PLCL1: variants seen among roughly 807,000 people sequenced by gnomAD.
PLCL1 encodes phospholipase C like 1 (inactive), also known as inactive phospholipase C-like protein 1.
A neutral mutation model predicts 84.4 loss-of-function variants in PLCL1; 41 were observed. The ratio of observed to expected loss-of-function variants is 0.49; its 90% CI spans 0.38 to 0.63. The LOEUF (loss-of-function observed/expected upper bound fraction) is 0.63, where lower values mean the gene tolerates loss of function less well. PLCL1 is among the 30% of genes least tolerant of loss of function. The probability of loss-of-function intolerance (pLI) is 0.00; values close to 1 mark genes in which losing one functional copy is unlikely to be tolerated. For synonymous variants in PLCL1, 490 were observed against 488.3 expected (o/e 1.00, Z -0.05); for missense variants, 1,206 against 1,367.8 (o/e 0.88, Z 1.87).
chr2:197,995,679 A>G (rs914360573), intron 1 of PLCL1, among the ~76,000 whole-genome samples: 1 of 152,136 alleles, frequency 6.6e-6, no homozygotes, highest in Admixed American at 6.5e-5. Context: ...AGCCATGTTC[A>G]TGGTGTGGTA....
At chr2:197,911,903 A>C (rs1450272282) in intron 1 of PLCL1, among the ~76,000 whole-genome samples, 2 of 152,220 alleles carry the variant, frequency 1.3e-5, no homozygotes, top group Non-Finnish European at 2.9e-5. Context: ...CATTCCTTGC[A>C]TGCATAGGAG....
chr2:198,025,149 A>T (rs1691233411), intron 1 of PLCL1, among the ~76,000 whole-genome samples: 1 of 152,146 alleles, frequency 6.6e-6, no homozygotes, highest in African/African-American at 2.4e-5. Context: ...AAACTATGAA[A>T]CAAGGTACAT....
In PLCL1 at chr2:197,899,555, G is replaced by C. The variant is rs1688220573; in HGVS notation, c.240+94216G>C. Among the ~76,000 whole-genome samples the C allele has an allele frequency of 2.0e-5, 3 of 151,984 alleles. No homozygotes were observed. The South Asian group carries it at 6.2e-4, about 31-fold the overall frequency. On this transcript the variant is annotated intron_variant, in intron 1 of 5. Coordinates refer to ENST00000428675, the MANE Select transcript of PLCL1 (RefSeq NM_006226.4). ...AGCTAGTATAATCTGATGGGCTATA[G>C]AGTTTTCTAACTATCCATTGCTATT... is the stretch of plus-strand genomic sequence containing the variant.
In PLCL1 at chr2:198,101,496, T is replaced by C; in HGVS notation, c.2995+136T>C. ...GTTATTTTATAGCAATGCTTAACTATACTTTAAGTTACACTTTAGTCTTTG... is the reference window on the plus strand; with the variant it reads ...GTTATTTTATAGCAATGCTTAACTACACTTTAAGTTACACTTTAGTCTTTG... On this transcript the variant is annotated intron_variant, in intron 4 of 5. Transcript: ENST00000428675. 3 of 603,712 alleles carry C rather than the reference T, an allele frequency of 5.0e-6. No homozygotes were observed. The South Asian group carries it at 6.3e-5, about 13-fold the overall frequency. The allele number at this position is 603,712 out of a possible 1,614,324, so 37.4% of individuals were successfully genotyped here.
At chr2:197,977,207 G>GT (rs1417482767) in intron 1 of PLCL1, among the ~76,000 whole-genome samples, 2 of 152,126 alleles carry the variant, frequency 1.3e-5, no homozygotes, top group Admixed American at 6.5e-5. Flanking sequence ...GTAACTCACA[G>GT]TCAGTCCCAT....
At chr2:198,110,237 T>C (rs1196071500) in intron 5 of PLCL1, among the ~76,000 whole-genome samples, 1 of 151,916 alleles carries the variant, frequency 6.6e-6, no homozygotes, top group Non-Finnish European at 1.5e-5. Context: ...AATTTATGTT[T>C]AGTATATGTG....
intron 5 of PLCL1, among the ~76,000 whole-genome samples, chr2:198,105,590 T>A (rs1693455992): frequency 7.2e-6 from 1 of 139,570 alleles, no homozygotes. Context: ...ATGTGTGAGA[T>A]TAATTTGCCT....
intron 1 of PLCL1, among the ~76,000 whole-genome samples, chr2:197,853,956 C>G (rs1486372699): frequency 6.6e-6 from 1 of 152,178 alleles, no homozygotes; most frequent in Non-Finnish European, 1.5e-5. Context: ...GGGGCTTCAT[C>G]TGGACCAGTT....
Position 198,084,153 on chromosome 2 carries a change from C to T in PLCL1, c.636C>T (p.Asn212=). 1 of 1,614,114 alleles carries T rather than the reference C, an allele frequency of 6.2e-7. No homozygotes were observed. Among genetic ancestry groups the T allele is most frequent in the Non-Finnish European group, 8.5e-7 (1 of 1,180,002 alleles). ...TTGCCAATTCAGCAGATGTGGCAAA[C>T]ATCTGGGTGTCTGGGTTACGGTACC... The part of the protein sequence containing the change: ...DLVANSADVA[N]IWVSGLRYLV... The change falls in exon 2 of 6, where the codon AAC becomes AAT. Residue 212 remains asparagine, a synonymous_variant. Coordinates refer to ENST00000428675, the MANE Select transcript of PLCL1 (RefSeq NM_006226.4).
At chr2:197,908,345 T>C (rs1253967732) in intron 1 of PLCL1, among the ~76,000 whole-genome samples, 1 of 152,206 alleles carries the variant, frequency 6.6e-6, no homozygotes, top group African/African-American at 2.4e-5. Context: ...GCTTACATAT[T>C]TCTAGCAAAA....
At chr2:198,108,248 C>G (rs1037891232) in intron 5 of PLCL1, among the ~76,000 whole-genome samples, 1 of 151,858 alleles carries the variant, frequency 6.6e-6, no homozygotes, top group Non-Finnish European at 1.5e-5. Flanking sequence ...CCTGGAAAGA[C>G]ATAATCACTG....
Position 198,147,236 on chromosome 2 carries a change from CAGAGAGAGAGAAAGAGAG to C in PLCL1, c.*288_*305del, listed in dbSNP as rs1694547673. 9.6e-6 allele frequency: 1 copy of C among 103,848 alleles called. No homozygotes were observed. 6.4% of individuals were successfully genotyped at this position (103,848 alleles called of 1,614,324 possible). Reference sequence around the variant, plus strand: ...TGTGTGTGTGTGTGTGTGTGTGTGGCAGAGAGAGAGAAAGAGAGAGAGAGAGAGAAATTCTGTTAAAAT... The same window carrying C: ...TGTGTGTGTGTGTGTGTGTGTGTGGCAGAGAGAGAGAAATTCTGTTAAAAT... On this transcript the variant is annotated 3_prime_UTR_variant, in exon 6 of 6. Transcript: ENST00000428675.
At chr2:197,984,792 C>T (rs763629816) in intron 1 of PLCL1, among the ~76,000 whole-genome samples, 1 of 152,160 alleles carries the variant, frequency 6.6e-6, no homozygotes, top group Non-Finnish European at 1.5e-5. Context: ...ACTTCGTTGG[C>T]TTCTACAAAA....
intron 1 of PLCL1, among the ~76,000 whole-genome samples, chr2:198,023,097 C>T (rs866354306): frequency 2.0e-5 from 3 of 152,150 alleles, no homozygotes; most frequent in Non-Finnish European, 2.9e-5. Context: ...TAACACCACA[C>T]ATCTACAACC....
At chr2:197,888,288 T>A (rs1241632245) in intron 1 of PLCL1, among the ~76,000 whole-genome samples, 2 of 152,184 alleles carry the variant, frequency 1.3e-5, no homozygotes, top group Non-Finnish European at 2.9e-5. Context: ...CCTCATATGT[T>A]AAAGATAGGT....
At chr2:198,095,822 T>A (rs1693176843) in intron 3 of PLCL1, among the ~76,000 whole-genome samples, 1 of 152,248 alleles carries the variant, frequency 6.6e-6, no homozygotes, top group Non-Finnish European at 1.5e-5. Context: ...CCAGCCCTAA[T>A]GTTTTACTCT....
chr2:197,828,040 G>C (rs570039506), intron 1 of PLCL1, among the ~76,000 whole-genome samples: 361 of 152,124 alleles, frequency 2.4e-3, no homozygotes, highest in Middle Eastern at 6.8e-3. Flanking sequence ...TTGATAACTT[G>C]AGATTGAATC....
At chr2:197,807,564 G>A (rs1396641776) in intron 1 of PLCL1, among the ~76,000 whole-genome samples, 2 of 152,156 alleles carry the variant, frequency 1.3e-5, no homozygotes, top group African/African-American at 4.8e-5. Context: ...TGAATCTGCT[G>A]CCCTGTGGTT....
intron 1 of PLCL1, among the ~76,000 whole-genome samples, chr2:197,847,004 T>A (rs1687130622): frequency 6.6e-6 from 1 of 152,154 alleles, no homozygotes; most frequent in South Asian, 2.1e-4. Flanking sequence ...TAAGTGTGTG[T>A]TCTTTGGTTT....
Sources: allele counts gnomAD v4.1 joint callset (sites outside exome capture counted in the v4.1 genomes callset), GRCh38; gene constraint gnomAD v4.1.1; transcripts MANE v1.5; gene names NCBI Gene and HGNC (gene_info 2026-07-23, HGNC 2026-07-21).